The following CDK14 variants were observed in gnomAD, a reference collection of about 807,000 sequenced individuals.
The protein encoded by CDK14 is cyclin-dependent kinase 14.
A neutral mutation model predicts 60.7 loss-of-function variants in CDK14; 34 were observed. The ratio of observed to expected loss-of-function variants is 0.56; its 90% CI spans 0.43 to 0.75. CDK14 has a LOEUF of 0.75. Among genes scored for constraint, CDK14 ranks in the 30% least tolerant of loss-of-function variants. The pLI is 0.00. For synonymous variants in CDK14, 197 were observed against 203.7 expected, an observed-to-expected ratio of 0.97 and a Z score of 0.28; for missense variants, 482 against 564.1, an observed-to-expected ratio of 0.85 and a Z score of 1.47.
intron 9 of CDK14, among the ~76,000 whole-genome samples, chr7:90,966,767 T>C (rs1275423975): frequency 6.6e-6 from 1 of 152,144 alleles, no homozygotes; most frequent in Non-Finnish European, 1.5e-5. Flanking sequence ...TCTCCAGCTG[T>C]CAGACTCAGC....
chr7:90,607,498 C>G (rs2374331), intron 2 of CDK14, among the ~76,000 whole-genome samples: 145,080 of 152,282 alleles, frequency 0.95, 69,142 homozygotes, highest in East Asian at 1. Flanking sequence ...TTGAACACAG[C>G]AGAAAAAGAA....
intron 6 of CDK14, among the ~76,000 whole-genome samples, chr7:90,866,851 T>C (rs1184071165): frequency 6.6e-6 from 1 of 152,186 alleles, no homozygotes; most frequent in Non-Finnish European, 1.5e-5. Flanking sequence ...GTTTAGCGGC[T>C]AATAGGATAT....
intron 2 of CDK14, among the ~76,000 whole-genome samples, chr7:90,606,709 C>G (rs1042153216): frequency 1.1e-4 from 16 of 152,154 alleles, no homozygotes; most frequent in African/African-American, 3.6e-4. Context: ...ATTGGATTCA[C>G]TTTTTAATCC....
At chr7:90,870,401 A>C (rs936109364) in intron 6 of CDK14, among the ~76,000 whole-genome samples, 6 of 152,204 alleles carry the variant, frequency 3.9e-5, no homozygotes, top group Non-Finnish European at 7.3e-5. Flanking sequence ...TACTAGGCTT[A>C]ACACCTAGGT....
chr7:90,667,730 C>T (rs534396108), intron 2 of CDK14, among the ~76,000 whole-genome samples: 38 of 152,126 alleles, frequency 2.5e-4, no homozygotes, highest in African/African-American at 8.7e-4. Context: ...CCACCACGCC[C>T]GGCTAATTTT....
intron 10 of CDK14, among the ~76,000 whole-genome samples, chr7:90,992,338 T>G (rs977687320): frequency 6.6e-6 from 1 of 152,246 alleles, no homozygotes; most frequent in African/African-American, 2.4e-5. Context: ...AAACTTTCTA[T>G]AAAATGGAAA....
At chr7:90,767,523 A>G (rs929563132) in intron 4 of CDK14, among the ~76,000 whole-genome samples, 1 of 152,142 alleles carries the variant, frequency 6.6e-6, no homozygotes, top group Non-Finnish European at 1.5e-5. Context: ...GCCTGCATGA[A>G]ATAGAGCGCT....
At chr7:91,118,496 T>C (rs1464907110) in intron 14 of CDK14, among the ~76,000 whole-genome samples, 2 of 152,224 alleles carry the variant, frequency 1.3e-5, no homozygotes, top group African/African-American at 4.8e-5. Flanking sequence ...CTCATGGAGA[T>C]TAGAAAAAGG....
chr7:90,739,356 C>T (rs980196320), intron 3 of CDK14, among the ~76,000 whole-genome samples: 2 of 152,146 alleles, frequency 1.3e-5, no homozygotes, highest in African/African-American at 4.8e-5. Flanking sequence ...CTACTTTGTA[C>T]CATTGGCATC....
intron 2 of CDK14, among the ~76,000 whole-genome samples, chr7:90,714,921 A>T (rs1299282290): frequency 6.6e-6 from 1 of 152,094 alleles, no homozygotes; most frequent in Non-Finnish European, 1.5e-5. Context: ...CGGAGTAAGA[A>T]GATAGTACAC....
intron 14 of CDK14, among the ~76,000 whole-genome samples, chr7:91,199,824 A>G (rs551233805): frequency 6.6e-6 from 1 of 152,328 alleles, no homozygotes; most frequent in African/African-American, 2.4e-5. Flanking sequence ...GATTTGGGCT[A>G]TTTTGAATGA....
At chr7:91,117,992 A>ATT in intron 13 of CDK14, 73 bp from the exon 14 acceptor site, 1 of 733,406 alleles carries the variant, frequency 1.4e-6, no homozygotes, top group Non-Finnish European at 2.2e-6. Context: ...CTCAGTCTCC[A>ATT]TTTTTTTAAA....
chr7:90,757,035 A>G (rs1273311992), intron 4 of CDK14, among the ~76,000 whole-genome samples: 1 of 152,206 alleles, frequency 6.6e-6, no homozygotes, highest in African/African-American at 2.4e-5. Flanking sequence ...TCAGTTCTAG[A>G]GGCTAGAAGT....
rs112309084 is a variant in CDK14 at position 90,949,549 on chromosome 7, A to G, written c.827-6148A>G. On this transcript the variant is annotated intron_variant, in intron 8 of 14. Transcript: ENST00000380050. Reference sequence around the variant, plus strand: ...AATCTGTGCCGTTTAGGATATATATAAATTAGGCATAATTTATTGAACTTA... The same window carrying G: ...AATCTGTGCCGTTTAGGATATATATGAATTAGGCATAATTTATTGAACTTA... Among the ~76,000 whole-genome samples the G allele has an allele frequency of 6.5e-3, 993 of 152,272 alleles. 7 individuals are homozygous for G. The highest frequency in any genetic ancestry group is 9.0e-3 in the Non-Finnish European group (611 of 68,010).
At chr7:90,891,673 A>G (rs1328266362) in intron 6 of CDK14, among the ~76,000 whole-genome samples, 4 of 152,202 alleles carry the variant, frequency 2.6e-5, no homozygotes, top group Non-Finnish European at 5.9e-5. Context: ...TCTCCATGGA[A>G]TGGCTTCCTT....
intron 2 of CDK14, among the ~76,000 whole-genome samples, chr7:90,676,527 ATTTTT>A (rs60056655): frequency 2.9e-4 from 41 of 142,116 alleles, no homozygotes; most frequent in African/African-American, 6.3e-4. Context: ...TAGATGTTTC[ATTTTT>A]TTTTTTTTTT....
rs10155944 is a variant in CDK14, at chr7:90,676,905, C to T, written c.124-49662C>T. 7.2e-4 allele frequency among the ~76,000 whole-genome samples: 109 copies of T among 151,650 alleles called. No individual in the cohort carries two copies. The Middle Eastern group carries it at 0.014, about 19-fold the overall frequency. ...CAACAGCTAAAGCCAAAGAAACTAG[C>T]CTTGCTGTACTTTCTACATGTTTAT... On this transcript the variant is annotated intron_variant, in intron 2 of 14. Coordinates refer to ENST00000380050, the MANE Select transcript of CDK14 (RefSeq NM_001287135.2).
intron 4 of CDK14, among the ~76,000 whole-genome samples, chr7:90,786,029 G>A (rs968546163): frequency 6.6e-6 from 1 of 152,178 alleles, no homozygotes; most frequent in African/African-American, 2.4e-5. Flanking sequence ...CTCCTGCCCA[G>A]TGCAGTTCTT....
At chr7:90,717,880 C>G (rs904660083) in intron 2 of CDK14, among the ~76,000 whole-genome samples, 1 of 151,974 alleles carries the variant, frequency 6.6e-6, no homozygotes, top group Admixed American at 6.6e-5. Context: ...TGTTTACACT[C>G]TGGTCATGGA....
Sources: allele counts gnomAD v4.1 joint callset (sites outside exome capture counted in the v4.1 genomes callset), GRCh38; gene constraint gnomAD v4.1.1; transcripts MANE v1.5; gene names NCBI Gene and HGNC (gene_info 2026-07-23, HGNC 2026-07-21).